Variants in LDLRAP1 observed in about 807,000 individuals in gnomAD.
The protein encoded by LDLRAP1 is low density lipoprotein receptor adapter protein 1.
A neutral mutation model predicts 37.8 loss-of-function variants in LDLRAP1; 30 were observed. The observed-to-expected ratio is 0.79, with a 90% confidence interval of 0.59 to 1.08. The LOEUF (loss-of-function observed/expected upper bound fraction) is 1.08. Among genes scored for constraint, LDLRAP1 ranks in the 50% least tolerant of loss-of-function variants. The probability of loss-of-function intolerance (pLI) is 0.00; values close to 1 mark genes in which losing one functional copy is unlikely to be tolerated. For synonymous variants in LDLRAP1, 156 were observed against 169.8 expected, an observed-to-expected ratio of 0.92 and a Z score of 0.63; for missense variants, 375 against 401.6, an observed-to-expected ratio of 0.93 and a Z score of 0.57.
the LDLRAP1 span, among the ~76,000 whole-genome samples, chr1:25,580,855 A>G: frequency 1.3e-5 from 2 of 152,080 alleles, no homozygotes; most frequent in Non-Finnish European, 2.9e-5. Flanking sequence ...ACCCCATTTT[A>G]TAGATGGGGA....
chr1:25,553,945 A>G lies in LDLRAP1; in HGVS notation c.112A>G (p.Thr38Ala). Residue 38 changes from threonine to alanine, a missense_variant, in exon 2 of 9, where the codon ACG (threonine) becomes GCG (alanine). Thr to Ala is a moderately conservative substitution (Grantham distance 58). Coordinates refer to ENST00000374338, the MANE Select transcript of LDLRAP1 (RefSeq NM_015627.3). ...HRKLPENWTD[T>A]RETLLEGMLF... ...AGAGCTGCCTGAGAACTGGACAGAC[A>G]CGCGGGAGACGCTGCTGGAGGGGAT... 1.2e-6 allele frequency: 2 copies of G among 1,613,964 alleles called. No individual in the cohort carries two copies. The highest frequency in any genetic ancestry group is 8.5e-7 in the Non-Finnish European group (1 of 1,179,990).
the LDLRAP1 span, among the ~76,000 whole-genome samples, chr1:25,578,340 G>A: frequency 2.6e-4 from 40 of 152,272 alleles, no homozygotes; most frequent in African/African-American, 8.9e-4. Context: ...ACTCCGGCAC[G>A]GCATTTGAGC....
downstream of LDLRAP1, among the ~76,000 whole-genome samples, chr1:25,569,359 C>T (rs1463239672): frequency 6.6e-6 from 1 of 152,114 alleles, no homozygotes; most frequent in African/African-American, 2.4e-5. Context: ...GGGGTCCAGG[C>T]GTGGCCCAGA....
At chr1:25,576,880 G>C in the LDLRAP1 span, among the ~76,000 whole-genome samples, 1 of 152,258 alleles carries the variant, frequency 6.6e-6, no homozygotes, top group Non-Finnish European at 1.5e-5. Context: ...TGGCAGCGTG[G>C]TGCCATCAGG....
intron 1 of LDLRAP1, among the ~76,000 whole-genome samples, chr1:25,552,002 C>A (rs1460215605): frequency 6.6e-6 from 1 of 152,174 alleles, no homozygotes; most frequent in African/African-American, 2.4e-5. Context: ...CTGACACCCG[C>A]ACCCTCTTTC....
downstream of LDLRAP1, among the ~76,000 whole-genome samples, chr1:25,573,237 G>T (rs115245988): frequency 8.5e-3 from 1,287 of 152,292 alleles, 14 homozygotes; most frequent in African/African-American, 0.029. Context: ...GCCCCGCCAC[G>T]TTGAGACCAC....
intron 1 of LDLRAP1, among the ~76,000 whole-genome samples, chr1:25,545,138 T>C (rs772621383): frequency 2.6e-5 from 4 of 152,190 alleles, no homozygotes; most frequent in Non-Finnish European, 5.9e-5. Flanking sequence ...ATAGACCCTT[T>C]AAAAACTGGC....
In LDLRAP1 at chr1:25,563,788, C is replaced by T; in HGVS notation, c.744C>T (p.Val248=). Residue 248 remains valine, a synonymous_variant, in exon 7 of 9, where the codon GTC becomes GTT. Transcript: ENST00000374338. ...RPQALSGSSV[V]WELDDGLDEA... ...AAGCCTTGAGTGGCAGCAGTGTTGTCTGGGTGAGTGGTTGTGTGGCCAGCA... is the reference window on the plus strand; with the variant it reads ...AAGCCTTGAGTGGCAGCAGTGTTGTTTGGGTGAGTGGTTGTGTGGCCAGCA... 2 of 1,613,772 alleles carry T rather than the reference C, an allele frequency of 1.2e-6. No individual in the cohort carries two copies. The highest frequency in any genetic ancestry group is 1.7e-6 in the Non-Finnish European group (2 of 1,180,028).
At chr1:25,573,459 C>G (rs1279521531), downstream of LDLRAP1, among the ~76,000 whole-genome samples, 1 of 152,102 alleles carries the variant, frequency 6.6e-6, no homozygotes, top group Non-Finnish European at 1.5e-5. Flanking sequence ...CGGGGCAGAG[C>G]TGGCCGGAAG....
At chr1:25,586,504 A>C in the LDLRAP1 span, among the ~76,000 whole-genome samples, 1 of 151,560 alleles carries the variant, frequency 6.6e-6, no homozygotes, top group Non-Finnish European at 1.5e-5. The surrounding 1 kb of genome is among the most constrained non-coding windows in gnomAD (Gnocchi z 4.3). Context: ...GTGTGTGTGC[A>C]TGCACATGTG....
At chr1:25,581,299 CT>C in the LDLRAP1 span, among the ~76,000 whole-genome samples, 1 of 152,206 alleles carries the variant, frequency 6.6e-6, no homozygotes, top group South Asian at 2.1e-4. Flanking sequence ...GTATGGGCCC[CT>C]GGCCTCTTGA....
the LDLRAP1 span, among the ~76,000 whole-genome samples, chr1:25,588,384 A>C: frequency 6.6e-6 from 1 of 152,196 alleles, no homozygotes; most frequent in Non-Finnish European, 1.5e-5. Flanking sequence ...GTCTCATGTA[A>C]AACCTGATTG....
the LDLRAP1 span, among the ~76,000 whole-genome samples, chr1:25,584,346 G>T: frequency 6.6e-6 from 1 of 151,978 alleles, no homozygotes; most frequent in Non-Finnish European, 1.5e-5. Context: ...GATGGTACAA[G>T]TTCAGTTTTT....
In LDLRAP1 at chr1:25,546,216, C is replaced by T. The variant is rs115756246; in HGVS notation, c.88+2430C>T. Among the ~76,000 whole-genome samples, 180 of 152,280 alleles carry T rather than the reference C, an allele frequency of 1.2e-3. 1 individual carries two copies. Among genetic ancestry groups the T allele is most frequent in the African/African-American group, 4.3e-3 (179 of 41,534 alleles). Reference sequence around the variant, plus strand: ...GACCCAGCCTGGCCTTGGACCTGGTCCCTGTGGTTGAGTTTTGAGGCCAAA... The same window carrying T: ...GACCCAGCCTGGCCTTGGACCTGGTTCCTGTGGTTGAGTTTTGAGGCCAAA... On this transcript the variant is annotated intron_variant, in intron 1 of 8. Coordinates refer to ENST00000374338, the MANE Select transcript of LDLRAP1 (RefSeq NM_015627.3).
the LDLRAP1 span, among the ~76,000 whole-genome samples, chr1:25,586,351 C>T: frequency 6.6e-6 from 1 of 152,286 alleles, no homozygotes; most frequent in South Asian, 2.1e-4. This position sits in a 1 kb window ranked among gnomAD's most constrained non-coding sequence, Gnocchi z 4.3. Flanking sequence ...GCACTCATCT[C>T]TGGGCCTGCC....
intron 1 of LDLRAP1, among the ~76,000 whole-genome samples, chr1:25,547,482 CAAAT>C (rs1411035816): frequency 7.3e-6 from 1 of 136,372 alleles, no homozygotes; most frequent in Non-Finnish European, 1.6e-5. Flanking sequence ...GACTTTGTCT[CAAAT>C]AATAAATAAA....
At chr1:25,577,378 C>T in the LDLRAP1 span, among the ~76,000 whole-genome samples, 1 of 152,028 alleles carries the variant, frequency 6.6e-6, no homozygotes, top group African/African-American at 2.4e-5. Flanking sequence ...AGGACCTGGG[C>T]TGGGCTTTCC....
chr1:25,586,148 A>G, the LDLRAP1 span, among the ~76,000 whole-genome samples: 1 of 152,184 alleles, frequency 6.6e-6, no homozygotes, highest in South Asian at 2.1e-4. This position sits in a 1 kb window ranked among gnomAD's most constrained non-coding sequence, Gnocchi z 4.3. Flanking sequence ...ATTGTAGGCA[A>G]TGTGGATGGT....
At chr1:25,552,702 G>A (rs116730106) in intron 1 of LDLRAP1, among the ~76,000 whole-genome samples, 2 of 152,300 alleles carry the variant, frequency 1.3e-5, no homozygotes, top group Non-Finnish European at 2.9e-5. Context: ...AGCCGGGGAT[G>A]GTCAGAAACT....
Sources: gnomAD v4.1 joint callset for allele counts (sites outside exome capture counted in the v4.1 genomes callset) on GRCh38, gnomAD v4.1.1 for gene constraint, Gnocchi (gnomAD v3.1) non-coding constraint, MANE v1.5 for transcripts, NCBI Gene and HGNC (gene_info 2026-07-23, HGNC 2026-07-21) for gene names.